NPAT: variants seen among roughly 807,000 people sequenced by gnomAD.
NPAT encodes the protein nuclear protein, coactivator of histone transcription, also known as protein NPAT.
Under a neutral mutation model 130.7 loss-of-function variants are expected in NPAT, and 52 were observed. The ratio of observed to expected loss-of-function variants is 0.40; its 90% CI spans 0.32 to 0.50. The LOEUF (loss-of-function observed/expected upper bound fraction) is 0.50. Among genes scored for constraint, NPAT ranks in the 20% least tolerant of loss-of-function variants. The probability of loss-of-function intolerance (pLI) is 0.68; values close to 1 mark genes in which losing one functional copy is unlikely to be tolerated. For synonymous variants in NPAT, 580 were observed against 584.8 expected (o/e 0.99, Z 0.12); for missense variants, 1,687 against 1,662.6 (o/e 1.01, Z -0.26).
chr11:108,182,558 C>T lies in NPAT; in HGVS notation c.906+2674G>A, dbSNP rs182766172. 5.1e-3 allele frequency among the ~76,000 whole-genome samples: 780 copies of T among 152,350 alleles called. 6 individuals are homozygous for T. Among genetic ancestry groups the T allele is most frequent in the Non-Finnish European group, 5.7e-3 (387 of 68,024 alleles). Reference sequence around the variant, plus strand: ...TGTCGCCTACGCTGGAGTGCAGTGGCGCGATCTCGCCTCACTGCAAACTCC... The same window carrying T: ...TGTCGCCTACGCTGGAGTGCAGTGGTGCGATCTCGCCTCACTGCAAACTCC... On this transcript the variant is annotated intron_variant, in intron 10 of 17. Transcript: ENST00000278612.
intron 6 of NPAT, 107 bp downstream of exon 6, chr11:108,188,999 T>TGG: frequency 7.0e-6 from 6 of 862,840 alleles, no homozygotes; most frequent in African/African-American, 1.7e-5. Context: ...TCATCTTTTA[T>TGG]GGGGGGGGCC....
At position 108,169,924 on chromosome 11, in the gene NPAT, T is replaced by C; in HGVS notation, c.2901+4A>G. ...CCACACCATTTTCAGTTCATAAATC[T>C]TACCTGCCGAGGAGGAGTAGAAAAG... On this transcript the variant is annotated splice_donor_region_variant and intron_variant, in intron 14 of 17. Coordinates refer to ENST00000278612, the MANE Select transcript of NPAT (RefSeq NM_002519.3). 6.2e-7 allele frequency: 1 copy of C among 1,612,346 alleles called. No individual in the cohort carries two copies. Among genetic ancestry groups the C allele is most frequent in the Middle Eastern group, 1.7e-4 (1 of 6,058 alleles).
In NPAT at chr11:108,173,101, G is replaced by GA; in HGVS notation, c.1882dup (p.Ser628PhefsTer6). 1 of 1,613,998 alleles carries GA rather than the reference G, an allele frequency of 6.2e-7. No individual in the cohort carries two copies. Among genetic ancestry groups the GA allele is most frequent in the Non-Finnish European group, 8.5e-7 (1 of 1,179,974 alleles). ...AGATGGTTGTTTAGTAGAAGACAGC[G>GA]AATCTCCAAGATGAATTTCTACTTG... On this transcript the variant is annotated frameshift_variant, in exon 13 of 18. Transcript: ENST00000278612. LOFTEE classifies it high-confidence loss of function.
At chr11:108,159,244 G>A (rs1398574916) in intron 17 of NPAT, among the ~76,000 whole-genome samples, 1 of 152,080 alleles carries the variant, frequency 6.6e-6, no homozygotes, top group Admixed American at 6.5e-5. Flanking sequence ...TATGGCAAAA[G>A]ACATGATACA....
At chr11:108,206,731 C>T (rs972268400) in intron 1 of NPAT, among the ~76,000 whole-genome samples, 1 of 152,192 alleles carries the variant, frequency 6.6e-6, no homozygotes, top group Non-Finnish European at 1.5e-5. Context: ...CTTTCAGTCC[C>T]GCCTTTCAGT....
At position 108,164,639 on chromosome 11, in the gene NPAT, G is replaced by T. The variant is rs546955076; in HGVS notation, c.3011-2459C>A. 3.5e-4 allele frequency among the ~76,000 whole-genome samples: 54 copies of T among 152,302 alleles called. 2 individuals are homozygous for T. In the South Asian group the frequency reaches 0.011, roughly 30 times the overall value. On this transcript the variant is annotated intron_variant, in intron 15 of 17. Coordinates refer to ENST00000278612, the MANE Select transcript of NPAT (RefSeq NM_002519.3). ...CACATCACTGGCCTTTAAAAATCTT[G>T]TAAGTCTAATAAAAAGGTGAAAAAT... is the stretch of plus-strand genomic sequence containing the variant.
At chr11:108,194,825 A>AT (rs1416760021) in intron 2 of NPAT, among the ~76,000 whole-genome samples, 2,787 of 125,322 alleles carry the variant, frequency 0.022, 51 homozygotes, top group Non-Finnish European at 0.029. Flanking sequence ...TGTTTTCAGT[A>AT]TTTTTTTTTT....
rs2078451298 is a variant in NPAT at position 108,218,177 on chromosome 11, T to C, written c.37+4323A>G. Among the ~76,000 whole-genome samples, 4 of 152,076 alleles carry C rather than the reference T, an allele frequency of 2.6e-5. No individual in the cohort carries two copies. In the South Asian group the frequency reaches 8.3e-4, roughly 31 times the overall value. ...AAACTTACTGACAAAGGTCCCCGAA[T>C]AGGTAAGAAAGTATGCCTGAGTTTC... On this transcript the variant is annotated intron_variant, in intron 1 of 17. Coordinates refer to ENST00000278612, the MANE Select transcript of NPAT (RefSeq NM_002519.3).
chr11:108,198,609 AGT>A (rs2078246411), intron 1 of NPAT, among the ~76,000 whole-genome samples: 1 of 151,876 alleles, frequency 6.6e-6, no homozygotes, highest in Non-Finnish European at 1.5e-5. Context: ...CCATGACCAG[AGT>A]GAGAACTTCC....
intron 6 of NPAT, 63 bp from the exon 7 acceptor site, chr11:108,188,242 G>T: frequency 1.7e-6 from 2 of 1,182,408 alleles, no homozygotes; most frequent in Non-Finnish European, 2.5e-6. Flanking sequence ...AACTTGTAAT[G>T]GGATAAAAAG....
rs151059155 is a variant in NPAT at position 108,187,385 on chromosome 11, G to A, written c.638+713C>T. 4.6e-5 allele frequency among the ~76,000 whole-genome samples: 7 copies of A among 152,272 alleles called. No individual in the cohort carries two copies. The East Asian group carries it at 1.3e-3, about 29-fold the overall frequency. On this transcript the variant is annotated intron_variant, in intron 7 of 17. Coordinates refer to ENST00000278612, the MANE Select transcript of NPAT (RefSeq NM_002519.3). ...GAGGATCTTCTGAGCCCACAAGTTC[G>A]AGGCTGCAGTGAGTTATGATTGTAC... is the stretch of plus-strand genomic sequence containing the variant.
chr11:108,218,184 G>A (rs1299051606), intron 1 of NPAT, among the ~76,000 whole-genome samples: 1 of 152,180 alleles, frequency 6.6e-6, no homozygotes, highest in East Asian at 1.9e-4. Context: ...GAATAGGTAA[G>A]AAAGTATGCC....
At chr11:108,188,220 A>T (rs1394566550) in intron 6 of NPAT, 41 bp from the exon 7 acceptor site, 1 of 1,429,826 alleles carries the variant, frequency 7.0e-7, no homozygotes. Context: ...AAAGAAACTG[A>T]ATAGTTTTCT....
At chr11:108,185,899 AT>A (rs1243574582) in intron 8 of NPAT, among the ~76,000 whole-genome samples, 1 of 152,052 alleles carries the variant, frequency 6.6e-6, no homozygotes, top group African/African-American at 2.4e-5. Flanking sequence ...CACCCAGCTA[AT>A]TTTTGTATTT....
chr11:108,172,173 A>C, intron 13 of NPAT, 26 bp downstream of exon 13: 18 of 1,601,274 alleles, frequency 1.1e-5, no homozygotes, highest in Non-Finnish European at 1.5e-5. Flanking sequence ...CAGAGAAACA[A>C]ATTTCAATTA....
chr11:108,162,292 G>A (rs543412546), intron 15 of NPAT, 112 bp from the exon 16 acceptor site: 1 of 893,886 alleles, frequency 1.1e-6, no homozygotes, highest in Non-Finnish European at 1.8e-6. Flanking sequence ...GGTAGCTAAT[G>A]TACACACAAA....
rs1010033973 is a variant in NPAT, at chr11:108,206,786, G to A, written c.38-9366C>T. Among the ~76,000 whole-genome samples the A allele has an allele frequency of 2.6e-5, 4 of 152,306 alleles. No individual in the cohort carries two copies. The East Asian group carries it at 5.8e-4, about 22-fold the overall frequency. ...TGCGTCCAGGAAGAATGAGGTTCAC[G>A]GTCAACTGGAAGGTGCTCAAGGCGG... is the stretch of plus-strand genomic sequence containing the variant. On this transcript the variant is annotated intron_variant, in intron 1 of 17. Transcript: ENST00000278612.
At chr11:108,183,850 G>A (rs921520000) in intron 10 of NPAT, among the ~76,000 whole-genome samples, 3 of 152,006 alleles carry the variant, frequency 2.0e-5, no homozygotes, top group Non-Finnish European at 2.9e-5. Flanking sequence ...GCATGTGCCT[G>A]TAGTCCCAGC....
At position 108,161,642 on chromosome 11, in the gene NPAT, C is replaced by T; in HGVS notation, c.3444G>A (p.Lys1148=). The T allele has an allele frequency of 6.2e-7, 1 of 1,614,020 alleles. No homozygotes were observed. Among genetic ancestry groups the T allele is most frequent in the Non-Finnish European group, 8.5e-7 (1 of 1,180,032 alleles). ...GCACAATTTCTGTTGGTGAAACTTT[C>T]TTTTCTGATTGAGTTTCTCTTATGG... The part of the protein sequence containing the change: ...HTTIRETQSE[K]KVSPTEIVLE... The change falls in exon 17 of 18, where the codon AAG becomes AAA. Residue 1148 remains lysine, a synonymous_variant. Coordinates refer to ENST00000278612, the MANE Select transcript of NPAT (RefSeq NM_002519.3).
Sources: allele counts gnomAD v4.1 joint callset (sites outside exome capture counted in the v4.1 genomes callset), GRCh38; gene constraint gnomAD v4.1.1; transcripts MANE v1.5; gene names NCBI Gene and HGNC (gene_info 2026-07-23, HGNC 2026-07-21).